QKI: variants seen among roughly 807,000 people sequenced by gnomAD.
QKI encodes KH domain-containing RNA-binding protein QKI.
A neutral mutation model predicts 39.0 loss-of-function variants in QKI; 10 were observed. The observed-to-expected ratio is 0.26, with a 90% CI of 0.16 to 0.43. The LOEUF is 0.43. Ranked by LOEUF, QKI falls within the 20% of genes least tolerant of loss-of-function variation. The pLI is 1.00. For missense variants in QKI, 218 were observed against 428.0 expected (o/e 0.51, Z 4.33); for synonymous variants, 204 against 155.4 (o/e 1.31, Z -2.33).
chr6:163,545,868 ATTTTTGCATTTG>A (rs1781837220), intron 4 of QKI, among the ~76,000 whole-genome samples: 1 of 151,558 alleles, frequency 6.6e-6, no homozygotes, highest in Non-Finnish European at 1.5e-5. Context: ...CCTAGGAAAT[ATTTTTGCATTTG>A]TAAAGGAAGT....
intron 1 of QKI, among the ~76,000 whole-genome samples, chr6:163,439,195 A>G (rs1789544157): frequency 6.6e-6 from 1 of 152,210 alleles, no homozygotes; most frequent in Non-Finnish European, 1.5e-5. Flanking sequence ...CCACAGAAAG[A>G]TAGGAACTAC....
chr6:163,509,539 G>C (rs6915247), intron 3 of QKI, among the ~76,000 whole-genome samples: 125,502 of 151,890 alleles, frequency 0.83, 52,260 homozygotes, highest in East Asian at 1. Context: ...ACACGTGGAC[G>C]TATGTGGTTA....
chr6:163,553,475 C>T (rs896101745), intron 4 of QKI, among the ~76,000 whole-genome samples: 11 of 152,084 alleles, frequency 7.2e-5, no homozygotes, highest in Non-Finnish European at 1.5e-4. Context: ...ATATGTCCCA[C>T]CTTCCAGCCC....
At chr6:163,498,093 T>C (rs776896484) in intron 3 of QKI, among the ~76,000 whole-genome samples, 1 of 150,636 alleles carries the variant, frequency 6.6e-6, no homozygotes, top group Non-Finnish European at 1.5e-5. Context: ...TGGAAAAATA[T>C]GTAAATCAGT....
rs1244140473 is a variant in QKI at position 163,578,453 on chromosome 6, A to G, written c.*7743A>G. 1 of 152,232 alleles carries G rather than the reference A, an allele frequency of 6.6e-6. No individual in the cohort carries two copies. Among genetic ancestry groups the G allele is most frequent in the Non-Finnish European group, 1.5e-5 (1 of 68,040 alleles). 9.4% of individuals were successfully genotyped at this position (152,232 alleles called of 1,614,324 possible). A position where few individuals can be genotyped will look rare whatever the true frequency, so the allele number is the denominator to read the frequency against. ...ATTCATTGTTTTCAATGATTGATTT[A>G]TAAAATTAAGACATACTGGTAGTAC... On this transcript the variant is annotated 3_prime_UTR_variant, in exon 8 of 8. Transcript: ENST00000361752.
Position 163,478,771 on chromosome 6 carries a change from T to G in QKI, c.286-9T>G. ...ATAATGTATAGTGATCCTTTTTTTT[T>G]TTTCTCAGTTTAATTTTGTTGGGAG... On this transcript the variant is annotated splice_polypyrimidine_tract_variant and intron_variant, in intron 2 of 7. Coordinates refer to ENST00000361752, the MANE Select transcript of QKI (RefSeq NM_006775.3). 1 of 1,563,448 alleles carries G rather than the reference T, an allele frequency of 6.4e-7. No individual in the cohort carries two copies. Among genetic ancestry groups the G allele is most frequent in the Non-Finnish European group, 8.7e-7 (1 of 1,146,558 alleles).
At chr6:163,510,953 A>G (rs1779432801) in intron 3 of QKI, among the ~76,000 whole-genome samples, 1 of 152,228 alleles carries the variant, frequency 6.6e-6, no homozygotes. Flanking sequence ...TAAACGTTAT[A>G]TCTTACAGCT....
chr6:163,543,062 T>G (rs999664988), intron 4 of QKI, among the ~76,000 whole-genome samples: 1 of 152,108 alleles, frequency 6.6e-6, no homozygotes, highest in Non-Finnish European at 1.5e-5. Flanking sequence ...TGACTCATAA[T>G]TAACTGAGTA....
chr6:163,508,652 C>T (rs1045956002), intron 3 of QKI, among the ~76,000 whole-genome samples: 16 of 151,492 alleles, frequency 1.1e-4, no homozygotes, highest in African/African-American at 3.6e-4. Flanking sequence ...GCCTCAGCCT[C>T]CCAAGTAGCT....
At chr6:163,554,081 C>G (rs1471399019) in intron 4 of QKI, among the ~76,000 whole-genome samples, 1 of 152,146 alleles carries the variant, frequency 6.6e-6, no homozygotes, top group Admixed American at 6.5e-5. Flanking sequence ...AACCAAGACC[C>G]TGGCTTGGTG....
chr6:163,480,555 A>G (rs1360155698), intron 3 of QKI, among the ~76,000 whole-genome samples: 1 of 152,186 alleles, frequency 6.6e-6, no homozygotes, highest in Non-Finnish European at 1.5e-5. Flanking sequence ...AATATTGATT[A>G]TTTAAAAATC....
chr6:163,491,452 T>C (rs558278755), intron 3 of QKI, among the ~76,000 whole-genome samples: 3 of 152,160 alleles, frequency 2.0e-5, no homozygotes, highest in Non-Finnish European at 4.4e-5. Flanking sequence ...TCTACTTTTG[T>C]TCTTCTCACT....
chr6:163,488,106 C>A (rs887232056), intron 3 of QKI, among the ~76,000 whole-genome samples: 10 of 152,074 alleles, frequency 6.6e-5, no homozygotes, highest in African/African-American at 2.4e-4. Context: ...TATATGTTTC[C>A]GTTCATTGAA....
chr6:163,493,113 C>T lies in QKI; in HGVS notation c.402+14217C>T, dbSNP rs188430490. ...ATATTTTGTTTAAGTATATTACGTA[C>T]TAAAAAGTCATCTACAATACTTTTT... On this transcript the variant is annotated intron_variant, in intron 3 of 7. Transcript: ENST00000361752. Among the ~76,000 whole-genome samples, 1,013 of 148,532 alleles carry T rather than the reference C, an allele frequency of 6.8e-3. 2 individuals carry two copies. Among genetic ancestry groups the T allele is most frequent in the South Asian group, 0.011 (50 of 4,668 alleles).
intron 3 of QKI, among the ~76,000 whole-genome samples, chr6:163,484,876 G>A (rs967052490): frequency 3.9e-5 from 6 of 152,244 alleles, no homozygotes; most frequent in East Asian, 3.9e-4. Context: ...TTGGAGACAC[G>A]AATTGAGCAC....
In QKI at chr6:163,498,960, G is replaced by A. The variant is rs1358155438; in HGVS notation, c.402+20064G>A. On this transcript the variant is annotated intron_variant, in intron 3 of 7. Coordinates refer to ENST00000361752, the MANE Select transcript of QKI (RefSeq NM_006775.3). ...GGGGATGAGACCGAATACTAAACAC[G>A]AAATTGATTCATGTGCACATAGCCT... is the stretch of plus-strand genomic sequence containing the variant. 3.3e-5 allele frequency among the ~76,000 whole-genome samples: 5 copies of A among 152,116 alleles called. No individual in the cohort carries two copies. In the East Asian group the frequency reaches 7.7e-4, roughly 24 times the overall value.
chr6:163,555,116 A>AT (rs536709346), intron 4 of QKI, among the ~76,000 whole-genome samples: 2 of 152,136 alleles, frequency 1.3e-5, no homozygotes, highest in South Asian at 4.2e-4. Flanking sequence ...TTAGTCATGT[A>AT]TTTTTTTGTT....
At chr6:163,450,889 G>A (rs1302891316) in intron 1 of QKI, among the ~76,000 whole-genome samples, 1 of 152,144 alleles carries the variant, frequency 6.6e-6, no homozygotes, top group Non-Finnish European at 1.5e-5. Context: ...ATTTAAACTG[G>A]TGGCTCCAGA....
intron 1 of QKI, among the ~76,000 whole-genome samples, chr6:163,436,563 C>T (rs1789287570): frequency 6.6e-6 from 1 of 151,978 alleles, no homozygotes; most frequent in Non-Finnish European, 1.5e-5. Flanking sequence ...CCTGTAATCC[C>T]AGCACTTTGG....
Sources: allele counts gnomAD v4.1 joint callset (sites outside exome capture counted in the v4.1 genomes callset), GRCh38; gene constraint gnomAD v4.1.1; transcripts MANE v1.5; gene names NCBI Gene and HGNC (gene_info 2026-07-23, HGNC 2026-07-21).